AKR1B15: variants seen among roughly 807,000 people sequenced by gnomAD.
AKR1B15 encodes aldo-keto reductase family 1 member B15.
A neutral mutation model predicts 38.5 loss-of-function variants in AKR1B15; 49 were observed. The ratio of observed to expected loss-of-function variants is 1.27; its 90% CI spans 1.01 to 1.62. The LOEUF is 1.62. AKR1B15 is among the 40% of genes most tolerant of loss of function. The probability of loss-of-function intolerance (pLI) is 0.00; values close to 1 mark genes in which losing one functional copy is unlikely to be tolerated. For missense variants in AKR1B15, 411 were observed against 381.6 expected (o/e 1.08, Z -0.64); for synonymous variants, 137 against 135.5 (o/e 1.01, Z -0.08).
rs536953190 is a variant in AKR1B15 at position 134,565,126 on chromosome 7, A to G, written c.150+357A>G. ...TCAGCAGCAGCAGGGAACCGCTCAG[A>G]TACCCTTCCACACCGTGGAAACTTT... is the stretch of plus-strand genomic sequence containing the variant. On this transcript the variant is annotated intron_variant, in intron 3 of 11. Coordinates refer to ENST00000457545, the MANE Select transcript of AKR1B15 (RefSeq NM_001080538.3). The G allele has an allele frequency of 2.2e-5, 7 of 323,626 alleles. No homozygotes were observed. In the East Asian group the frequency reaches 3.0e-4, roughly 14 times the overall value. 20.0% of individuals were successfully genotyped at this position (323,626 alleles called of 1,614,324 possible).
intron 3 of AKR1B15, chr7:134,565,238 G>A: frequency 1.8e-6 from 1 of 550,552 alleles, no homozygotes. Flanking sequence ...CACCACGACA[G>A]TCTGCGGCTT....
rs181038758 is a variant in AKR1B15 at position 134,562,311 on chromosome 7, G to A, written c.-22-2287G>A. Among the ~76,000 whole-genome samples the A allele has an allele frequency of 3.9e-5, 6 of 152,326 alleles. No homozygotes were observed. In the East Asian group the frequency reaches 5.8e-4, roughly 15 times the overall value. On this transcript the variant is annotated intron_variant, in intron 2 of 11. Coordinates refer to ENST00000457545, the MANE Select transcript of AKR1B15 (RefSeq NM_001080538.3). The stretch of plus-strand genomic sequence containing the variant: ...AGAACAATGCTTCCACATCCTGTAA[G>A]GGTACCTAAGCGGGTTGCCTAAGCG...
chr7:134,570,430 C>T (rs1333861366), intron 5 of AKR1B15: 1 of 152,128 alleles, frequency 6.6e-6, no homozygotes, highest in African/African-American at 2.4e-5. Flanking sequence ...TTTGTATACT[C>T]CCTCCCCTTT....
rs955254030 is a variant in AKR1B15 at position 134,552,486 on chromosome 7, A to G, written c.-147+3237A>G. ...ACAATATCCTATGATTCTGTGGGCT[A>G]TAGAGGGAATTAATCCTCATATTCA... On this transcript the variant is annotated intron_variant, in intron 1 of 11. Coordinates refer to ENST00000457545, the MANE Select transcript of AKR1B15 (RefSeq NM_001080538.3). Among the ~76,000 whole-genome samples, 5 of 152,270 alleles carry G rather than the reference A, an allele frequency of 3.3e-5. No homozygotes were observed. In the Middle Eastern group the frequency reaches 0.014, roughly 414 times the overall value.
At chr7:134,550,788 A>G (rs2117584893) in intron 1 of AKR1B15, among the ~76,000 whole-genome samples, 1 of 152,314 alleles carries the variant, frequency 6.6e-6, no homozygotes, top group Admixed American at 6.5e-5. Flanking sequence ...TAGGCTTCTC[A>G]GATGATTACG....
At chr7:134,559,123 C>G (rs1348658641) in intron 2 of AKR1B15, among the ~76,000 whole-genome samples, 1 of 151,904 alleles carries the variant, frequency 6.6e-6, no homozygotes, top group East Asian at 1.9e-4. Flanking sequence ...TCTCTTTTTT[C>G]TTTTCAACAG....
At chr7:134,566,300 A>G (rs1169920643) in intron 3 of AKR1B15, among the ~76,000 whole-genome samples, 1 of 152,118 alleles carries the variant, frequency 6.6e-6, no homozygotes, top group Non-Finnish European at 1.5e-5. Context: ...GTGTAAGAGA[A>G]AGAAAGAAAG....
intron 1 of AKR1B15, among the ~76,000 whole-genome samples, chr7:134,550,937 G>A (rs1793947676): frequency 6.6e-6 from 1 of 152,132 alleles, no homozygotes; most frequent in African/African-American, 2.4e-5. Context: ...GGAACTCCCG[G>A]TCACCCCGAT....
At chr7:134,565,499 C>T (rs1393143885) in intron 3 of AKR1B15, 2 of 1,613,790 alleles carry the variant, frequency 1.2e-6, no homozygotes, top group East Asian at 4.5e-5. Context: ...GTTTGTGGAG[C>T]TCAGTACAAA....
At chr7:134,575,072 C>A (rs1272975609) in intron 6 of AKR1B15, among the ~76,000 whole-genome samples, 1 of 152,178 alleles carries the variant, frequency 6.6e-6, no homozygotes, top group Non-Finnish European at 1.5e-5. Context: ...ATCTCATAAG[C>A]TTACAAATGT....
At chr7:134,564,131 C>T (rs1238930744) in intron 2 of AKR1B15, among the ~76,000 whole-genome samples, 5 of 152,184 alleles carry the variant, frequency 3.3e-5, no homozygotes, top group Admixed American at 6.5e-5. Flanking sequence ...ACAGCTAATA[C>T]CCCTGCTTAT....
Position 134,558,732 on chromosome 7 carries a change from T to G in AKR1B15, c.-23+1873T>G, listed in dbSNP as rs1585790995. On this transcript the variant is annotated intron_variant, in intron 2 of 11. Coordinates refer to ENST00000457545, the MANE Select transcript of AKR1B15 (RefSeq NM_001080538.3). ...GCTCTATGGAATGCCCTACTTACACTCCATTGCTGACATCCCTATGTTTGA... is the reference window on the plus strand; with the variant it reads ...GCTCTATGGAATGCCCTACTTACACGCCATTGCTGACATCCCTATGTTTGA... Among the ~76,000 whole-genome samples, 4 of 152,308 alleles carry G rather than the reference T, an allele frequency of 2.6e-5. No homozygotes were observed. The South Asian group carries it at 8.3e-4, about 32-fold the overall frequency.
At chr7:134,569,366 C>T (rs756925576) in intron 4 of AKR1B15, 47 bp from the exon 5 acceptor site, 3 of 1,603,338 alleles carry the variant, frequency 1.9e-6, no homozygotes, top group African/African-American at 2.7e-5. Flanking sequence ...TATAATGTGG[C>T]CCTTCCTTTT....
At chr7:134,553,969 T>C (rs1357448525) in intron 1 of AKR1B15, among the ~76,000 whole-genome samples, 2 of 152,188 alleles carry the variant, frequency 1.3e-5, no homozygotes, top group African/African-American at 2.4e-5. Context: ...ACTGAGTTGG[T>C]AACCCTGACT....
chr7:134,579,367 A>G (rs1585819493), intron 11 of AKR1B15, 140 bp from the exon 12 acceptor site: 4 of 666,288 alleles, frequency 6.0e-6, no homozygotes, highest in Non-Finnish European at 9.8e-6. Flanking sequence ...TCAAGGTGTA[A>G]GCACCCTTCT....
intron 2 of AKR1B15, among the ~76,000 whole-genome samples, chr7:134,560,899 T>C (rs536632165): frequency 2.0e-5 from 3 of 152,228 alleles, no homozygotes; most frequent in Non-Finnish European, 4.4e-5. Flanking sequence ...TGATTGATCT[T>C]TGGAGCCAAG....
intron 1 of AKR1B15, among the ~76,000 whole-genome samples, chr7:134,555,149 C>G (rs1370228368): frequency 6.6e-6 from 1 of 152,184 alleles, no homozygotes. Context: ...AGAAATCTCA[C>G]AAGCTAACTT....
At chr7:134,573,495 T>C in intron 6 of AKR1B15, 1 of 985,434 alleles carries the variant, frequency 1.0e-6, no homozygotes, top group South Asian at 4.7e-5. Context: ...ATATCATTGA[T>C]CAAGTTCAGA....
chr7:134,575,982 A>T, intron 8 of AKR1B15, 55 bp downstream of exon 8: 1 of 1,583,726 alleles, frequency 6.3e-7, no homozygotes, highest in Non-Finnish European at 8.6e-7. Flanking sequence ...ACATTATTTT[A>T]TAATTGGTAA....
Sources: gnomAD v4.1 joint callset for allele counts (sites outside exome capture counted in the v4.1 genomes callset) on GRCh38, gnomAD v4.1.1 for gene constraint, MANE v1.5 for transcripts, NCBI Gene and HGNC (gene_info 2026-07-23, HGNC 2026-07-21) for gene names.